CDK6: variants seen among roughly 807,000 people sequenced by gnomAD.
CDK6 encodes the protein cyclin-dependent kinase 6.
A neutral mutation model predicts 37.1 loss-of-function variants in CDK6; 6 were observed. The ratio of observed to expected loss-of-function variants is 0.16; its 90% CI spans 0.09 to 0.32. The LOEUF (loss-of-function observed/expected upper bound fraction) is 0.32. Among genes scored for constraint, CDK6 ranks in the 10% least tolerant of loss-of-function variants. The pLI is 1.00. For missense variants in CDK6, 224 were observed against 418.9 expected, an observed-to-expected ratio of 0.53 and a Z score of 4.06; for synonymous variants, 160 against 161.3, an observed-to-expected ratio of 0.99 and a Z score of 0.06.
intron 3 of CDK6, among the ~76,000 whole-genome samples, chr7:92,764,741 C>T (rs1274439826): frequency 6.6e-6 from 1 of 152,216 alleles, no homozygotes; most frequent in Admixed American, 6.5e-5. Context: ...TTTTGTGAAA[C>T]CACATATTCA....
intron 2 of CDK6, among the ~76,000 whole-genome samples, chr7:92,822,507 A>G (rs1801198995): frequency 6.6e-6 from 1 of 152,156 alleles, no homozygotes; most frequent in Non-Finnish European, 1.5e-5. Flanking sequence ...ATCTTGAGTC[A>G]TGGCTTAACT....
intron 2 of CDK6, among the ~76,000 whole-genome samples, chr7:92,813,818 G>A (rs531415461): frequency 6.6e-6 from 1 of 152,168 alleles, no homozygotes; most frequent in East Asian, 1.9e-4. Context: ...GATACCTTGA[G>A]TCATTTACCC....
chr7:92,748,531 A>G (rs540381562), intron 3 of CDK6, among the ~76,000 whole-genome samples: 1 of 152,200 alleles, frequency 6.6e-6, no homozygotes, highest in Non-Finnish European at 1.5e-5. Context: ...TGTCTACAAA[A>G]TACTTTCTAC....
In CDK6 at chr7:92,612,037, A is replaced by T. The variant is rs1041642769; in HGVS notation, c.*3103T>A. The T allele has an allele frequency of 1.3e-5, 3 of 232,854 alleles. No individual in the cohort carries two copies. Among genetic ancestry groups the T allele is most frequent in the African/African-American group, 6.6e-5 (3 of 45,346 alleles). The allele number at this position is 232,854 out of a possible 1,614,324, so 14.4% of individuals were successfully genotyped here. Reference sequence around the variant, plus strand: ...CAAGTGCTTAGAAATTGTATTTTTAAGATTAGGTCCTTTTTATTACCCTTT... The same window carrying T: ...CAAGTGCTTAGAAATTGTATTTTTATGATTAGGTCCTTTTTATTACCCTTT... On this transcript the variant is annotated 3_prime_UTR_variant, in exon 8 of 8. Transcript: ENST00000424848.
intron 5 of CDK6, among the ~76,000 whole-genome samples, chr7:92,670,915 T>C (rs1797058609): frequency 6.6e-6 from 1 of 152,246 alleles, no homozygotes; most frequent in Admixed American, 6.5e-5. Context: ...TACCTGAATA[T>C]ATCTAATCTC....
Position 92,615,130 on chromosome 7 carries a change from T to C in CDK6, c.*10A>G. On this transcript the variant is annotated 3_prime_UTR_variant, in exon 8 of 8. Transcript: ENST00000424848. ...CTCCGCAGGATCAGCTTAAGGCGGCTGCTGAGGCCTCAGGCTGTATTCAGC... is the reference window on the plus strand; with the variant it reads ...CTCCGCAGGATCAGCTTAAGGCGGCCGCTGAGGCCTCAGGCTGTATTCAGC... The C allele has an allele frequency of 6.2e-7, 1 of 1,613,244 alleles. No homozygotes were observed. Among genetic ancestry groups the C allele is most frequent in the Non-Finnish European group, 8.5e-7 (1 of 1,179,964 alleles).
At chr7:92,797,422 G>A (rs1303939597) in intron 2 of CDK6, among the ~76,000 whole-genome samples, 2 of 152,152 alleles carry the variant, frequency 1.3e-5, no homozygotes, top group Non-Finnish European at 2.9e-5. Flanking sequence ...TTTCTTGTGA[G>A]GTCGGGATGA....
intron 2 of CDK6, among the ~76,000 whole-genome samples, chr7:92,824,546 C>T (rs964983826): frequency 2.0e-5 from 3 of 152,076 alleles, no homozygotes; most frequent in Non-Finnish European, 2.9e-5. Flanking sequence ...GTAAACACGA[C>T]ACCAATATCC....
intron 2 of CDK6, among the ~76,000 whole-genome samples, chr7:92,805,331 T>A (rs1470304294): frequency 6.6e-6 from 1 of 152,182 alleles, no homozygotes; most frequent in Non-Finnish European, 1.5e-5. Flanking sequence ...TAATTATATG[T>A]AAGGTATCTC....
At chr7:92,772,058 A>C (rs1335634849) in intron 3 of CDK6, among the ~76,000 whole-genome samples, 2 of 152,210 alleles carry the variant, frequency 1.3e-5, no homozygotes, top group African/African-American at 2.4e-5. Context: ...TTCAGCCTAA[A>C]ACTATCCATT....
intron 4 of CDK6, among the ~76,000 whole-genome samples, chr7:92,709,173 T>C (rs1798031667): frequency 6.6e-6 from 1 of 152,108 alleles, no homozygotes; most frequent in South Asian, 2.1e-4. Flanking sequence ...TTCCCTGCCA[T>C]CAATTTCTTA....
chr7:92,622,204 G>A (rs1170610889), intron 6 of CDK6, among the ~76,000 whole-genome samples: 2 of 152,082 alleles, frequency 1.3e-5, no homozygotes, highest in Non-Finnish European at 1.5e-5. Context: ...TTTGTCAGAA[G>A]AAGTGCCCCA....
At chr7:92,745,491 G>A (rs1471356809) in intron 3 of CDK6, among the ~76,000 whole-genome samples, 2 of 152,114 alleles carry the variant, frequency 1.3e-5, no homozygotes, top group African/African-American at 4.8e-5. Flanking sequence ...ATCACCACTG[G>A]ATCAGGACTG....
intron 2 of CDK6, among the ~76,000 whole-genome samples, chr7:92,795,984 T>C (rs964939293): frequency 1.3e-5 from 2 of 151,686 alleles, no homozygotes; most frequent in African/African-American, 4.8e-5. Context: ...AAGGTCACTC[T>C]CTGAAGAATA....
intron 7 of CDK6, among the ~76,000 whole-genome samples, chr7:92,615,952 G>A (rs921062369): frequency 4.6e-5 from 7 of 152,144 alleles, no homozygotes; most frequent in African/African-American, 1.7e-4. Context: ...GTTAGAATGT[G>A]TCCCTAATTT....
At chr7:92,683,895 A>C (rs1292360047) in intron 4 of CDK6, among the ~76,000 whole-genome samples, 3 of 152,242 alleles carry the variant, frequency 2.0e-5, no homozygotes, top group Non-Finnish European at 2.9e-5. Context: ...TGTTAGACAG[A>C]AGGAAGTATT....
At chr7:92,760,954 C>T (rs1442420454) in intron 3 of CDK6, among the ~76,000 whole-genome samples, 1 of 151,848 alleles carries the variant, frequency 6.6e-6, no homozygotes, top group Non-Finnish European at 1.5e-5. Context: ...TGAGCATTTC[C>T]CATGTCTACC....
chr7:92,788,683 G>T lies in CDK6; in HGVS notation c.234-13852C>A, dbSNP rs201808917. Among the ~76,000 whole-genome samples the T allele has an allele frequency of 3.3e-5, 5 of 152,242 alleles. No individual in the cohort carries two copies. The East Asian group carries it at 9.7e-4, about 29-fold the overall frequency. ...ATGAGGCACATTGTAATTAAACTAT[G>T]AAAACCAAAGACAAAGAGAGAATCT... is the stretch of plus-strand genomic sequence containing the variant. On this transcript the variant is annotated intron_variant, in intron 2 of 7. Coordinates refer to ENST00000424848, the MANE Select transcript of CDK6 (RefSeq NM_001145306.2).
intron 2 of CDK6, among the ~76,000 whole-genome samples, chr7:92,802,940 T>G (rs950906539): frequency 6.6e-6 from 1 of 152,192 alleles, no homozygotes; most frequent in Non-Finnish European, 1.5e-5. Flanking sequence ...AAATGTCCCC[T>G]AGGAGCAAAA....
Sources: allele counts gnomAD v4.1 joint callset (sites outside exome capture counted in the v4.1 genomes callset), GRCh38; gene constraint gnomAD v4.1.1; transcripts MANE v1.5; gene names NCBI Gene and HGNC (gene_info 2026-07-23, HGNC 2026-07-21).